Variants in PRH1 observed in about 807,000 individuals in gnomAD.
PRH1 encodes proline rich protein HaeIII subfamily 1, also known as salivary acidic proline-rich phosphoprotein 1/2.
PRH1 carries 7 observed loss-of-function variants against 7.9 expected under a neutral mutation model. The observed-to-expected ratio is 0.89, with a 90% CI of 0.50 to 1.67. The LOEUF is 1.67. PRH1 is among the 40% of genes most tolerant of loss of function. PRH1 has a pLI of 0.00. For synonymous variants in PRH1, 45 were observed against 80.8 expected (o/e 0.56, Z 2.38); for missense variants, 109 against 223.6 (o/e 0.49, Z 3.27).
At chr12:10,902,425 T>C (rs1205612423) in intron 2 of PRH1, among the ~76,000 whole-genome samples, 1 of 151,978 alleles carries the variant, frequency 6.6e-6, no homozygotes, top group Non-Finnish European at 1.5e-5. Flanking sequence ...GGAGAAATAG[T>C]TAATAACCTG....
chr12:10,888,763 T>A (rs903961954), upstream of PRH1, among the ~76,000 whole-genome samples: 2 of 152,280 alleles, frequency 1.3e-5, no homozygotes, highest in Non-Finnish European at 2.9e-5. Context: ...CTTCTATGTT[T>A]TACTTTACAT....
intron 1 of PRH1, among the ~76,000 whole-genome samples, chr12:11,168,100 G>A (rs1250317773): frequency 6.6e-6 from 1 of 150,920 alleles, no homozygotes; most frequent in African/African-American, 2.5e-5. Context: ...AGTCTTTCTT[G>A]AAATATGGAA....
chr12:11,145,104 T>A (rs905628054), intron 1 of PRH1, among the ~76,000 whole-genome samples: 2 of 152,220 alleles, frequency 1.3e-5, no homozygotes, highest in African/African-American at 4.8e-5. Context: ...CTGCCTCACA[T>A]CCATCTGCCA....
upstream of PRH1, among the ~76,000 whole-genome samples, chr12:10,888,774 G>A (rs1302564781): frequency 6.6e-6 from 1 of 152,098 alleles, no homozygotes; most frequent in African/African-American, 2.4e-5. Context: ...TACTTTACAT[G>A]TACATAGCTT....
chr12:11,127,903 G>A (rs766514767), intron 1 of PRH1, among the ~76,000 whole-genome samples: 4 of 151,026 alleles, frequency 2.6e-5, no homozygotes, highest in African/African-American at 7.3e-5. Flanking sequence ...TCAGGAGATC[G>A]AGACCATCCT....
intron 1 of PRH1, among the ~76,000 whole-genome samples, chr12:11,012,887 T>C (rs1941128510): frequency 6.6e-6 from 1 of 152,002 alleles, no homozygotes; most frequent in African/African-American, 2.4e-5. Context: ...ATACAGAAGG[T>C]TCAGAAAGGC....
At chr12:11,153,278 A>AT (rs1460437948) in intron 1 of PRH1, among the ~76,000 whole-genome samples, 1 of 152,240 alleles carries the variant, frequency 6.6e-6, no homozygotes, top group Non-Finnish European at 1.5e-5. Flanking sequence ...GTAAACTAAC[A>AT]TAACATTCCT....
At chr12:11,159,762 A>G (rs1333660448) in intron 1 of PRH1, 6 of 152,232 alleles carry the variant, frequency 3.9e-5, no homozygotes, top group Admixed American at 3.9e-4. Flanking sequence ...GCAGATGGGC[A>G]TGCATTTATG....
intron 1 of PRH1, among the ~76,000 whole-genome samples, chr12:10,987,113 T>C (rs55748583): frequency 0.12 from 17,885 of 152,226 alleles, 1,195 homozygotes; most frequent in Non-Finnish European, 0.15. Flanking sequence ...TCAATGTCCG[T>C]TCTTGTGATG....
At chr12:11,107,458 G>A (rs1945456685) in intron 1 of PRH1, among the ~76,000 whole-genome samples, 1 of 152,210 alleles carries the variant, frequency 6.6e-6, no homozygotes, top group Non-Finnish European at 1.5e-5. Flanking sequence ...ATCCAGCACA[G>A]GGAGAGTCTT....
At chr12:11,066,250 C>T (rs1428996636) in intron 1 of PRH1, among the ~76,000 whole-genome samples, 1 of 152,188 alleles carries the variant, frequency 6.6e-6, no homozygotes, top group Non-Finnish European at 1.5e-5. Context: ...ATCACTCACA[C>T]AAGTGTGACA....
intron 1 of PRH1, chr12:11,031,155 C>T (rs374745478): frequency 6.2e-7 from 1 of 1,614,204 alleles, no homozygotes; most frequent in Non-Finnish European, 8.5e-7. Context: ...AATAATAATA[C>T]CCAGAGCAAA....
At chr12:11,036,845 T>G (rs1190432013) in intron 1 of PRH1, among the ~76,000 whole-genome samples, 1 of 152,238 alleles carries the variant, frequency 6.6e-6, no homozygotes, top group African/African-American at 2.4e-5. Context: ...ACGATGATGA[T>G]AATGATGATG....
intron 2 of PRH1, among the ~76,000 whole-genome samples, chr12:10,911,925 G>C (rs1336297905): frequency 1.3e-5 from 2 of 152,048 alleles, no homozygotes; most frequent in African/African-American, 4.8e-5. Flanking sequence ...ACAACTATCT[G>C]CAATTCAAAT....
At chr12:11,050,505 T>TG, upstream of PRH1, among the ~76,000 whole-genome samples, 1 of 152,204 alleles carries the variant, frequency 6.6e-6, no homozygotes, top group Non-Finnish European at 1.5e-5. Flanking sequence ...ATCACGAACA[T>TG]GTCACAGTGC....
chr12:10,979,758 C>T lies in PRH1; in HGVS notation c.-125-6037G>A, dbSNP rs77263618. Among the ~76,000 whole-genome samples, 76 of 152,202 alleles carry T rather than the reference C, an allele frequency of 5.0e-4. 1 individual carries two copies. Among genetic ancestry groups the T allele is most frequent in the East Asian group, 3.5e-3 (18 of 5,184 alleles). Reference sequence around the variant, plus strand: ...ATTTAGATGAGTATGGCAGAAGTGACGACAAGGGATTGGATTCTGTATGTT... The same window carrying T: ...ATTTAGATGAGTATGGCAGAAGTGATGACAAGGGATTGGATTCTGTATGTT... On this transcript the variant is annotated intron_variant, in intron 1 of 3. Coordinates refer to the PRH1 transcript ENST00000539853.
At chr12:11,106,616 T>TTTAATTTATTTTTGATTAC (rs75001736) in intron 1 of PRH1, among the ~76,000 whole-genome samples, 68,631 of 151,368 alleles carry the variant, frequency 0.45, 16,386 homozygotes, top group Non-Finnish European at 0.52. Flanking sequence ...TTTTTCTCTA[T>TTTAATTTATTTTTGATTAC]TTAATTTATT....
At chr12:10,909,480 A>T (rs1277586100) in intron 2 of PRH1, 6 of 574,472 alleles carry the variant, frequency 1.0e-5, no homozygotes, top group Admixed American at 3.3e-5. Context: ...ATCTTCACAT[A>T]ACTGTTCTGG....
At chr12:11,052,625 G>C (rs1160502840) in intron 1 of PRH1, among the ~76,000 whole-genome samples, 20 of 151,954 alleles carry the variant, frequency 1.3e-4, no homozygotes. Context: ...CTACAAGTAT[G>C]TTAGGTGTTT....
Sources: allele counts gnomAD v4.1 joint callset (sites outside exome capture counted in the v4.1 genomes callset), GRCh38; gene constraint gnomAD v4.1.1; transcripts MANE v1.5; gene names NCBI Gene and HGNC (gene_info 2026-07-23, HGNC 2026-07-21).